Variants in DPP10 observed in about 807,000 individuals in gnomAD.
DPP10 encodes the protein inactive dipeptidyl peptidase 10.
In DPP10, 33 loss-of-function variants were observed where a neutral mutation model predicts 120.9. That is an observed-to-expected ratio of 0.27 (90% CI 0.21 to 0.37). DPP10 has a LOEUF of 0.37. Among genes scored for constraint, DPP10 ranks in the 10% least tolerant of loss-of-function variants. DPP10 has a pLI of 1.00. For synonymous variants in DPP10, 337 were observed against 326.1 expected (o/e 1.03, Z -0.36); for missense variants, 816 against 942.8 (o/e 0.87, Z 1.76).
chr2:115,649,266 C>G (rs1213818248), intron 5 of DPP10, among the ~76,000 whole-genome samples: 3 of 152,052 alleles, frequency 2.0e-5, no homozygotes, highest in Non-Finnish European at 1.5e-5. Flanking sequence ...TTTCTCTGAG[C>G]TCATTAACAA....
At chr2:115,330,236 C>T (rs1342424023) in intron 2 of DPP10, among the ~76,000 whole-genome samples, 1 of 152,114 alleles carries the variant, frequency 6.6e-6, no homozygotes, top group Non-Finnish European at 1.5e-5. Flanking sequence ...TAAATGTCTT[C>T]TTTTGAGAAG....
intron 1 of DPP10, among the ~76,000 whole-genome samples, chr2:114,529,265 A>G (rs146261939): frequency 6.6e-6 from 1 of 152,196 alleles, no homozygotes; most frequent in East Asian, 1.9e-4. Flanking sequence ...CTTTAGGCCA[A>G]CCACTTTTTT....
At chr2:115,345,518 C>T (rs922258217) in intron 3 of DPP10, among the ~76,000 whole-genome samples, 3 of 151,914 alleles carry the variant, frequency 2.0e-5, no homozygotes, top group East Asian at 1.9e-4. Context: ...TTTTTTTAAA[C>T]AGTAGTATTA....
intron 21 of DPP10, among the ~76,000 whole-genome samples, chr2:115,830,439 A>G (rs1688805291): frequency 6.6e-6 from 1 of 152,024 alleles, no homozygotes; most frequent in African/African-American, 2.4e-5. Flanking sequence ...TAGAACAGAT[A>G]TCACTGTGAT....
intron 1 of DPP10, among the ~76,000 whole-genome samples, chr2:115,286,107 AC>A (rs1474094511): frequency 6.6e-6 from 1 of 151,810 alleles, no homozygotes; most frequent in Non-Finnish European, 1.5e-5. Flanking sequence ...GAGGAAACAG[AC>A]TCAGTGTTTT....
Position 114,861,351 on chromosome 2 carries a change from A to T in DPP10, c.60+418513A>T, listed in dbSNP as rs151143945. Among the ~76,000 whole-genome samples, 653 of 151,950 alleles carry T rather than the reference A, an allele frequency of 4.3e-3. 5 individuals are homozygous for T. Among genetic ancestry groups the T allele is most frequent in the Admixed American group, 0.011 (167 of 15,248 alleles). ...ACAACCACACCAAACCTCGAGTACC[A>T]TGGCTCAGCAGTCTACACCATGAAG... On this transcript the variant is annotated intron_variant, in intron 1 of 25. Coordinates refer to ENST00000410059, the MANE Select transcript of DPP10 (RefSeq NM_020868.6).
intron 12 of DPP10, 44 bp downstream of exon 12, chr2:115,762,654 C>T (rs1559123707): frequency 6.2e-7 from 1 of 1,603,882 alleles, no homozygotes; most frequent in South Asian, 1.1e-5. Context: ...TTGTGACCAT[C>T]CTGTTCACCC....
intron 1 of DPP10, among the ~76,000 whole-genome samples, chr2:114,883,548 T>C (rs1215628262): frequency 6.6e-6 from 1 of 152,222 alleles, no homozygotes; most frequent in East Asian, 1.9e-4. Flanking sequence ...GCCATGACTC[T>C]GGCTCATTTT....
intron 3 of DPP10, among the ~76,000 whole-genome samples, chr2:115,381,913 C>G (rs1156858698): frequency 2.1e-5 from 3 of 142,720 alleles, no homozygotes; most frequent in African/African-American, 5.0e-5. Flanking sequence ...TGCCCGTTCT[C>G]AGATCTCCAG....
At chr2:115,685,323 A>T (rs993560119) in intron 5 of DPP10, among the ~76,000 whole-genome samples, 1 of 151,940 alleles carries the variant, frequency 6.6e-6, no homozygotes, top group Non-Finnish European at 1.5e-5. Context: ...GTCAACTAGT[A>T]TATTTCTATG....
chr2:114,630,149 T>C (rs899812697), intron 1 of DPP10, among the ~76,000 whole-genome samples: 7 of 152,216 alleles, frequency 4.6e-5, no homozygotes, highest in Non-Finnish European at 7.3e-5. Flanking sequence ...TAGTGCTCTA[T>C]ATTTTATAAT....
intron 3 of DPP10, among the ~76,000 whole-genome samples, chr2:115,418,029 C>G (rs377398158): frequency 1.2e-3 from 180 of 152,206 alleles, no homozygotes; most frequent in African/African-American, 4.1e-3. Flanking sequence ...TCTTACAGAG[C>G]TAAGGTTTAT....
At chr2:115,019,064 C>T (rs1573327331) in intron 1 of DPP10, among the ~76,000 whole-genome samples, 2 of 151,758 alleles carry the variant, frequency 1.3e-5, no homozygotes, top group Non-Finnish European at 2.9e-5. Context: ...ACCCCTCCCC[C>T]ACCATTCTCG....
At chr2:115,836,636 A>C (rs757203896) in intron 23 of DPP10, 38 bp from the exon 24 acceptor site, 1 of 1,609,650 alleles carries the variant, frequency 6.2e-7, no homozygotes, top group Non-Finnish European at 8.5e-7. Flanking sequence ...TGGCTTATTT[A>C]GATCTATAGA....
intron 3 of DPP10, among the ~76,000 whole-genome samples, chr2:115,351,928 C>T (rs1427104949): frequency 6.6e-6 from 1 of 152,008 alleles, no homozygotes; most frequent in African/African-American, 2.4e-5. Context: ...GGCAATCTTA[C>T]ATACTAACTA....
chr2:115,777,316 C>T lies in DPP10; in HGVS notation c.1313+17C>T. ...TCAAAAAATGTGAGTGTTTTCAGTT[C>T]TCTAGTCAGGCTGCAAGTTAGCGTT... On this transcript the variant is annotated intron_variant, in intron 14 of 25. Transcript: ENST00000410059. The T allele has an allele frequency of 1.9e-6, 3 of 1,602,148 alleles. No homozygotes were observed. Among genetic ancestry groups the T allele is most frequent in the Non-Finnish European group, 8.5e-7 (1 of 1,169,828 alleles).
At chr2:115,278,482 TAATTTATGAAG>T (rs1162971593) in intron 1 of DPP10, among the ~76,000 whole-genome samples, 13 of 152,172 alleles carry the variant, frequency 8.5e-5, no homozygotes, top group Middle Eastern at 6.8e-3. Flanking sequence ...TGAGGCTGAG[TAATTTATGAAG>T]AAAGGTTTTG....
At chr2:114,808,881 T>A (rs1268323483) in intron 1 of DPP10, among the ~76,000 whole-genome samples, 2 of 152,200 alleles carry the variant, frequency 1.3e-5, no homozygotes, top group Admixed American at 1.3e-4. Context: ...CTCCCTTTAA[T>A]GCTATTCTGT....
intron 1 of DPP10, among the ~76,000 whole-genome samples, chr2:114,880,613 T>G (rs967906511): frequency 6.6e-5 from 10 of 152,146 alleles, no homozygotes; most frequent in Non-Finnish European, 1.0e-4. Flanking sequence ...TTTTAAGTGG[T>G]GTGGTCAATC....
Sources: allele counts gnomAD v4.1 joint callset (sites outside exome capture counted in the v4.1 genomes callset), GRCh38; gene constraint gnomAD v4.1.1; transcripts MANE v1.5; gene names NCBI Gene and HGNC (gene_info 2026-07-23, HGNC 2026-07-21).